The following NICOL1 variants were observed in gnomAD, a reference collection of about 807,000 sequenced individuals.
NICOL1 encodes the protein NELL2 interacting cell ontogeny regulator 1, also known as NELL2-interacting cell ontogeny regulator 1.
chr4:2,036,554 G>C, the NICOL1 span, among the ~76,000 whole-genome samples: 3 of 152,178 alleles, frequency 2.0e-5, no homozygotes, highest in Non-Finnish European at 2.9e-5. Context: ...TGTGTCTGGT[G>C]CTTAGATGAG....
chr4:2,042,475 C>T, the NICOL1 span: 5 of 420,852 alleles, frequency 1.2e-5, no homozygotes, highest in Non-Finnish European at 2.1e-5. Context: ...GAGTGCCGTC[C>T]CCGCGCAGAG....
chr4:2,042,374 G>A, the NICOL1 span: 3 of 512,506 alleles, frequency 5.9e-6, no homozygotes, highest in Admixed American at 7.0e-5. Flanking sequence ...CCCGCGTGCC[G>A]GTCCCCGATG....
At chr4:2,040,613 C>A in the NICOL1 span, among the ~76,000 whole-genome samples, 1 of 152,166 alleles carries the variant, frequency 6.6e-6, no homozygotes, top group Non-Finnish European at 1.5e-5. Context: ...CTCTTGGCTC[C>A]GAGTGGAGAA....
At chr4:2,040,561 G>A in the NICOL1 span, among the ~76,000 whole-genome samples, 8 of 152,162 alleles carry the variant, frequency 5.3e-5, no homozygotes, top group African/African-American at 1.7e-4. Flanking sequence ...ACCCCTCTAC[G>A]GCTCCCGCCC....
the NICOL1 span, among the ~76,000 whole-genome samples, chr4:2,040,529 GC>G: frequency 6.6e-6 from 1 of 152,220 alleles, no homozygotes; most frequent in Admixed American, 6.5e-5. Context: ...GGGCTCCGCG[GC>G]CCCGGCAACA....
chr4:2,043,646 G>A, the NICOL1 span, among the ~76,000 whole-genome samples: 14 of 152,302 alleles, frequency 9.2e-5, no homozygotes, highest in African/African-American at 3.4e-4. Context: ...CTGGCATGGC[G>A]TGGGCACCAG....
At chr4:2,037,906 A>G in the NICOL1 span, among the ~76,000 whole-genome samples, 1 of 151,514 alleles carries the variant, frequency 6.6e-6, no homozygotes, top group East Asian at 2.0e-4. Context: ...CTTTTGATAC[A>G]TAAGTTTTCA....
chr4:2,041,669 C>T, the NICOL1 span: 2,372 of 300,074 alleles, frequency 7.9e-3, 54 homozygotes, highest in African/African-American at 0.047. Context: ...TGCGCAGCTC[C>T]CCGCGCCTCG....
At chr4:2,038,428 C>T in the NICOL1 span, among the ~76,000 whole-genome samples, 1 of 151,606 alleles carries the variant, frequency 6.6e-6, no homozygotes. Flanking sequence ...GATGGGATTA[C>T]AGGCATGCAC....
At chr4:2,041,887 C>A in the NICOL1 span, 2 of 1,218,122 alleles carry the variant, frequency 1.6e-6, no homozygotes, top group African/African-American at 1.6e-5. Context: ...CAGGCACACC[C>A]GATTCCTGGA....
chr4:2,042,442 C>G, the NICOL1 span: 1 of 434,588 alleles, frequency 2.3e-6, no homozygotes. Flanking sequence ...GCTGGGCGCC[C>G]GGGCCCGCGC....
the NICOL1 span, among the ~76,000 whole-genome samples, chr4:2,038,237 G>GTACATA: frequency 6.7e-4 from 61 of 91,460 alleles, no homozygotes; most frequent in Non-Finnish European, 1.1e-3. Flanking sequence ...TGATCAGTGT[G>GTACATA]TATATATATA....
At chr4:2,041,765 C>T in the NICOL1 span, 2 of 459,874 alleles carry the variant, frequency 4.3e-6, no homozygotes, top group Non-Finnish European at 7.6e-6. Context: ...TTTCTCCCGC[C>T]GGCCTTGCGC....
At chr4:2,043,898 T>C in the NICOL1 span, 1 of 1,549,408 alleles carries the variant, frequency 6.5e-7, no homozygotes, top group Non-Finnish European at 8.7e-7. Flanking sequence ...CGCCGTGCCC[T>C]GTGTGCCTGC....
At chr4:2,041,880 G>C in the NICOL1 span, 1 of 1,160,266 alleles carries the variant, frequency 8.6e-7, no homozygotes, top group Non-Finnish European at 1.1e-6. Flanking sequence ...CCAGGGCCAG[G>C]CACACCCGAT....
At chr4:2,041,976 C>A in the NICOL1 span, 1 of 1,453,406 alleles carries the variant, frequency 6.9e-7, no homozygotes, top group Non-Finnish European at 9.0e-7. Flanking sequence ...GGAACCCGGG[C>A]GGGGTCGGGT....
the NICOL1 span, among the ~76,000 whole-genome samples, chr4:2,041,388 G>A: frequency 5.3e-5 from 8 of 152,224 alleles, no homozygotes; most frequent in Admixed American, 5.2e-4. Flanking sequence ...GAGAGGCCGA[G>A]GACCTGTGGT....
the NICOL1 span, among the ~76,000 whole-genome samples, chr4:2,038,240 T>C: frequency 9.4e-3 from 182 of 19,418 alleles, no homozygotes; most frequent in Non-Finnish European, 0.014. Flanking sequence ...TCAGTGTGTA[T>C]ATATATATAT....
the NICOL1 span, among the ~76,000 whole-genome samples, chr4:2,040,838 CA>C: frequency 1.3e-5 from 2 of 151,684 alleles, no homozygotes; most frequent in Non-Finnish European, 2.9e-5. Flanking sequence ...CACGCTTCCC[CA>C]ACCCACCCTC....
Sources: allele counts gnomAD v4.1 joint callset (sites outside exome capture counted in the v4.1 genomes callset), GRCh38; gene constraint gnomAD v4.1.1; transcripts MANE v1.5; gene names NCBI Gene and HGNC (gene_info 2026-07-23, HGNC 2026-07-21).